Variants in CENPP observed in about 807,000 individuals in gnomAD.
The protein encoded by CENPP is centromere protein P.
Under a neutral mutation model 35.6 loss-of-function variants are expected in CENPP, and 24 were observed. The observed-to-expected ratio is 0.67, with a 90% CI of 0.49 to 0.95. The LOEUF is 0.95. Ranked by LOEUF, CENPP falls within the 40% of genes least tolerant of loss-of-function variation. The probability of loss-of-function intolerance (pLI) is 0.00; values close to 1 mark genes in which losing one functional copy is unlikely to be tolerated. For missense variants in CENPP, 332 were observed against 345.3 expected (o/e 0.96, Z 0.31); for synonymous variants, 120 against 125.5 (o/e 0.96, Z 0.29).
chr9:92,417,230 G>A (rs1305444818), intron 5 of CENPP: 2 of 1,613,874 alleles, frequency 1.2e-6, no homozygotes, highest in South Asian at 1.1e-5. Context: ...ATTGATGAAT[G>A]AATTTGCAGT....
chr9:92,496,202 A>G, intron 5 of CENPP: 1 of 1,432,904 alleles, frequency 7.0e-7, no homozygotes, highest in Non-Finnish European at 9.1e-7. Context: ...CAGGTTGACT[A>G]GCATATAATG....
At chr9:92,600,755 T>G (rs753207808) in intron 5 of CENPP, among the ~76,000 whole-genome samples, 18 of 152,262 alleles carry the variant, frequency 1.2e-4, no homozygotes, top group Non-Finnish European at 2.5e-4. Flanking sequence ...TTTCTGGTTG[T>G]TTGTTTTACT....
intron 5 of CENPP, among the ~76,000 whole-genome samples, chr9:92,508,579 AC>A (rs1847150062): frequency 6.6e-6 from 1 of 152,190 alleles, no homozygotes; most frequent in African/African-American, 2.4e-5. Flanking sequence ...AATTGCTGAC[AC>A]CCTTTGGTCT....
In CENPP at chr9:92,606,517, C is replaced by T. The variant is rs537402810; in HGVS notation, c.565-4797C>T. On this transcript the variant is annotated intron_variant, in intron 5 of 7. Coordinates refer to ENST00000375587, the MANE Select transcript of CENPP (RefSeq NM_001012267.3). ...GAGTTATTATATGACCCAGAAATCC[C>T]GCTCCTAGATATATAACCAAGGGAA... 1.6e-4 allele frequency among the ~76,000 whole-genome samples: 25 copies of T among 152,204 alleles called. No homozygotes were observed. In the South Asian group the frequency reaches 3.1e-3, roughly 19 times the overall value.
rs1041451499 is a variant in CENPP, at chr9:92,398,124, C to T, written c.564+18265C>T. On this transcript the variant is annotated intron_variant, in intron 5 of 7. Transcript: ENST00000375587. ...ACTCATAACACTGTGCATAACAAAC[C>T]TACTCACTGGAACTTCATATTTGTT... Among the ~76,000 whole-genome samples the T allele has an allele frequency of 1.6e-4, 24 of 152,168 alleles. 1 individual carries two copies. The East Asian group carries it at 4.6e-3, about 29-fold the overall frequency.
intron 5 of CENPP, among the ~76,000 whole-genome samples, chr9:92,405,846 T>C (rs1016882626): frequency 1.2e-4 from 18 of 152,236 alleles, no homozygotes; most frequent in African/African-American, 4.3e-4. Flanking sequence ...TTATTAGCAT[T>C]CACTCATTTA....
At chr9:92,337,721 AGAG>A (rs2130788619) in intron 3 of CENPP, 92 bp downstream of exon 3, 12 of 850,510 alleles carry the variant, frequency 1.4e-5, no homozygotes, top group South Asian at 1.3e-4. Context: ...ATGGAGCTGA[AGAG>A]GAGTTCATGA....
chr9:92,414,054 T>C (rs954111012), intron 5 of CENPP, among the ~76,000 whole-genome samples: 13 of 152,308 alleles, frequency 8.5e-5, no homozygotes, highest in Middle Eastern at 3.4e-3. Flanking sequence ...ATTAGCATGG[T>C]ATATCAAGAG....
intron 5 of CENPP, among the ~76,000 whole-genome samples, chr9:92,402,186 CT>C (rs1201208491): frequency 1.3e-5 from 2 of 151,962 alleles, no homozygotes; most frequent in African/African-American, 2.4e-5. Flanking sequence ...TATGATGGGA[CT>C]TTTTTTTCTT....
At chr9:92,496,940 CAA>C (rs34069793) in intron 5 of CENPP, among the ~76,000 whole-genome samples, 12 of 112,182 alleles carry the variant, frequency 1.1e-4, no homozygotes, top group African/African-American at 1.3e-4. Flanking sequence ...ATAAGGTTTG[CAA>C]AAAAAAAAAA....
intron 5 of CENPP, among the ~76,000 whole-genome samples, chr9:92,580,074 C>A (rs1196064019): frequency 2.0e-5 from 3 of 151,650 alleles, no homozygotes; most frequent in Non-Finnish European, 4.4e-5. Flanking sequence ...TGGTTTTTGT[C>A]TTTGGTTCTG....
chr9:92,422,082 G>A (rs1005236995), intron 5 of CENPP, among the ~76,000 whole-genome samples: 3 of 149,948 alleles, frequency 2.0e-5, no homozygotes, highest in Admixed American at 6.7e-5. Context: ...CAAGAGTCTC[G>A]TGCTGTCACC....
At chr9:92,377,815 G>A (rs1359777814) in intron 4 of CENPP, among the ~76,000 whole-genome samples, 1 of 152,140 alleles carries the variant, frequency 6.6e-6, no homozygotes, top group Non-Finnish European at 1.5e-5. Context: ...TGAGGCCAAT[G>A]TGAATTCTGG....
At chr9:92,460,553 A>C in intron 5 of CENPP, 3 of 1,585,344 alleles carry the variant, frequency 1.9e-6, no homozygotes, top group Non-Finnish European at 1.7e-6. Context: ...AGCTCCAATA[A>C]AGTTGGTGGT....
intron 5 of CENPP, chr9:92,493,982 C>G: frequency 8.7e-7 from 1 of 1,143,278 alleles, no homozygotes; most frequent in South Asian, 1.4e-5. Context: ...AGTCTCCTGG[C>G]GGCCCTCAGG....
intron 7 of CENPP, 99 bp from the exon 8 acceptor site, chr9:92,612,920 A>T: frequency 2.2e-6 from 3 of 1,392,622 alleles, no homozygotes; most frequent in Non-Finnish European, 2.0e-6. Flanking sequence ...GCTAGTCGGG[A>T]GGAGTGCGGG....
chr9:92,415,125 G>GT, intron 5 of CENPP: 2 of 1,525,984 alleles, frequency 1.3e-6, no homozygotes, highest in Non-Finnish European at 1.8e-6. Flanking sequence ...TTGTGAAGTC[G>GT]TAAGTGTATA....
intron 4 of CENPP, among the ~76,000 whole-genome samples, chr9:92,375,388 G>T (rs1043999472): frequency 6.6e-6 from 1 of 151,910 alleles, no homozygotes; most frequent in East Asian, 1.9e-4. Flanking sequence ...TGCCTCCTGG[G>T]TTCAAGGGAT....
intron 5 of CENPP, chr9:92,383,821 G>A (rs1842327505): frequency 6.6e-6 from 1 of 151,540 alleles, no homozygotes; most frequent in South Asian, 2.1e-4. Flanking sequence ...TTCTTAATTT[G>A]AGAGTTATTT....
Sources: allele counts gnomAD v4.1 joint callset (sites outside exome capture counted in the v4.1 genomes callset), GRCh38; gene constraint gnomAD v4.1.1; transcripts MANE v1.5; gene names NCBI Gene and HGNC (gene_info 2026-07-23, HGNC 2026-07-21).